Variants in OCA2 observed in about 807,000 individuals in gnomAD.
OCA2 encodes the protein OCA2 melanosomal transmembrane protein.
OCA2 carries 77 observed loss-of-function variants against 100.2 expected under a neutral mutation model. That is an observed-to-expected ratio of 0.77 (90% CI 0.64 to 0.93). The LOEUF is 0.93. OCA2 is among the 40% of genes least tolerant of loss of function. OCA2 has a pLI of 0.00. For synonymous variants in OCA2, 432 were observed against 439.2 expected (o/e 0.98, Z 0.21); for missense variants, 1,062 against 1,089.1 (o/e 0.98, Z 0.35).
At position 27,986,582 on chromosome 15, in the gene OCA2, C is replaced by G. The variant is rs757119713; in HGVS notation, c.1239+5G>C. 2.5e-5 allele frequency: 38 copies of G among 1,550,668 alleles called. No homozygotes were observed. In the Admixed American group the frequency reaches 4.7e-4, roughly 19 times the overall value. On this transcript the variant is annotated splice_donor_5th_base_variant and intron_variant, in intron 12 of 23. Transcript: ENST00000354638. ...TAGAATTATTAAATGCAACATCATA[C>G]CTACCTTTACAGCACAATAATCGAA... is the stretch of plus-strand genomic sequence containing the variant.
At chr15:27,814,921 TAGATAG>T (rs1419572858) in intron 23 of OCA2, among the ~76,000 whole-genome samples, 1 of 149,950 alleles carries the variant, frequency 6.7e-6, no homozygotes, top group African/African-American at 2.5e-5. Context: ...GATAGATAGA[TAGATAG>T]ATAGATAGAT....
intron 23 of OCA2, among the ~76,000 whole-genome samples, chr15:27,816,725 C>A (rs2034316738): frequency 6.6e-6 from 1 of 152,180 alleles, no homozygotes; most frequent in Admixed American, 6.5e-5. Context: ...CCCTTGCCCA[C>A]ATCCTTATAA....
chr15:27,880,628 T>C (rs375264231), intron 19 of OCA2, among the ~76,000 whole-genome samples: 26 of 152,334 alleles, frequency 1.7e-4, no homozygotes, highest in African/African-American at 6.3e-4. Flanking sequence ...CAATTGTGAA[T>C]GGGAGTTCAC....
At chr15:27,730,732 A>AATATATATTTATAT in the OCA2 span, among the ~76,000 whole-genome samples, 1 of 102,014 alleles carries the variant, frequency 9.8e-6, no homozygotes, top group African/African-American at 3.3e-5. Context: ...AAAAAGACCA[A>AATATATATTTATAT]ATATATATAT....
At chr15:28,088,516 C>A in intron 1 of OCA2, among the ~76,000 whole-genome samples, 1 of 152,014 alleles carries the variant, frequency 6.6e-6, no homozygotes, top group Non-Finnish European at 1.5e-5. Context: ...GAAATTCACC[C>A]CCGATATTTC....
At chr15:27,792,794 A>G (rs2033146237) in intron 23 of OCA2, among the ~76,000 whole-genome samples, 2 of 152,222 alleles carry the variant, frequency 1.3e-5, no homozygotes, top group African/African-American at 4.8e-5. Flanking sequence ...CCCATGGCCC[A>G]ATAAAACTTA....
intron 14 of OCA2, among the ~76,000 whole-genome samples, chr15:27,983,142 G>A (rs939665030): frequency 1.3e-4 from 20 of 152,162 alleles, no homozygotes; most frequent in African/African-American, 4.8e-4. Context: ...ATCAGAATGA[G>A]TATGAAGTCA....
chr15:27,990,602 G>C lies in OCA2; in HGVS notation c.1090C>G (p.Leu364Val), dbSNP rs1455772419. 1.9e-6 allele frequency: 3 copies of C among 1,613,990 alleles called. No homozygotes were observed. The highest frequency in any genetic ancestry group is 2.2e-5 in the East Asian group (1 of 44,892). The stretch of plus-strand genomic sequence containing the variant: ...TCGCCAATCACAGCCAGTGCTGCCA[G>C]TGCTGCAAGGGAACCCAGCATGGCC... ...LAAMLGSLAA[L>V]AALAVIGDRP... Residue 364 changes from leucine (L) to valine (V), a missense_variant, in exon 10 of 24, where the codon CTG becomes GTG. Leu to Val is a conservative substitution (Grantham distance 32). Transcript: ENST00000354638.
intron 2 of OCA2, among the ~76,000 whole-genome samples, chr15:28,052,702 T>TTCTATCTCTA (rs1246900021): frequency 6.6e-6 from 1 of 152,218 alleles, no homozygotes; most frequent in Non-Finnish European, 1.5e-5. Context: ...TATTTCTGCA[T>TTCTATCTCTA]TTTCACAGAG....
intron 23 of OCA2, among the ~76,000 whole-genome samples, chr15:27,764,882 G>A (rs1359973451): frequency 6.6e-6 from 1 of 152,208 alleles, no homozygotes; most frequent in Non-Finnish European, 1.5e-5. Flanking sequence ...AATAAAGAAT[G>A]GCTAGTCCAT....
chr15:28,036,339 C>T (rs2043044947), intron 2 of OCA2, among the ~76,000 whole-genome samples: 1 of 152,104 alleles, frequency 6.6e-6, no homozygotes, highest in Non-Finnish European at 1.5e-5. Context: ...TTTCTTGGTG[C>T]CCATGGTCCT....
chr15:27,927,922 G>A (rs2039104711), intron 18 of OCA2, among the ~76,000 whole-genome samples: 3 of 151,138 alleles, frequency 2.0e-5, no homozygotes, highest in Non-Finnish European at 4.4e-5. Context: ...CTCCCGAGTA[G>A]CTGGGATTAC....
intron 3 of OCA2, among the ~76,000 whole-genome samples, chr15:28,029,134 C>T (rs528747118): frequency 2.0e-4 from 31 of 152,302 alleles, no homozygotes; most frequent in African/African-American, 7.5e-4. Context: ...CAGATGTGAT[C>T]TGTGACACAC....
intron 23 of OCA2, among the ~76,000 whole-genome samples, chr15:27,784,913 GAGAA>G (rs766673898): frequency 1.5e-5 from 2 of 132,450 alleles, no homozygotes; most frequent in African/African-American, 6.0e-5. Context: ...GAGAGAGAGA[GAGAA>G]ATGGGCAGAA....
chr15:27,987,897 CAAAT>C (rs2041415855), intron 11 of OCA2, among the ~76,000 whole-genome samples: 1 of 152,136 alleles, frequency 6.6e-6, no homozygotes, highest in South Asian at 2.1e-4. Flanking sequence ...TATTGTCTCT[CAAAT>C]AAACTATAGA....
chr15:28,018,612 G>A (rs1194825677), intron 6 of OCA2, 55 bp from the exon 7 acceptor site: 25 of 1,544,326 alleles, frequency 1.6e-5, no homozygotes, highest in East Asian at 6.9e-5. Flanking sequence ...CCATGTCCCC[G>A]CCGCCCGCCA....
chr15:27,767,894 A>C (rs554629483), intron 23 of OCA2, among the ~76,000 whole-genome samples: 1 of 152,324 alleles, frequency 6.6e-6, no homozygotes, highest in South Asian at 2.1e-4. Context: ...AAACAAAACA[A>C]AACAAAAACT....
intron 19 of OCA2, among the ~76,000 whole-genome samples, chr15:27,888,562 A>T (rs923554100): frequency 6.6e-6 from 1 of 152,210 alleles, no homozygotes; most frequent in Non-Finnish European, 1.5e-5. Flanking sequence ...CTCTTGGAAC[A>T]AGTGAAAAAT....
downstream of OCA2, among the ~76,000 whole-genome samples, chr15:27,754,107 C>A (rs62001330): frequency 6.6e-6 from 1 of 152,150 alleles, no homozygotes; most frequent in Non-Finnish European, 1.5e-5. Context: ...ATCCAGTCAG[C>A]TGCACGTGTC....
Sources: gnomAD v4.1 joint callset for allele counts (sites outside exome capture counted in the v4.1 genomes callset) on GRCh38, gnomAD v4.1.1 for gene constraint, MANE v1.5 for transcripts, NCBI Gene and HGNC (gene_info 2026-07-23, HGNC 2026-07-21) for gene names.